The following CHRNA7 variants were observed in gnomAD, a reference collection of about 807,000 sequenced individuals.
CHRNA7 encodes cholinergic receptor nicotinic alpha 7 subunit.
In CHRNA7, 17 loss-of-function variants were observed where a neutral mutation model predicts 48.0. The observed-to-expected ratio is 0.35, with a 90% CI of 0.24 to 0.53. The LOEUF is 0.53. Among genes scored for constraint, CHRNA7 ranks in the 20% least tolerant of loss-of-function variants. The pLI is 0.92. For synonymous variants in CHRNA7, 75 were observed against 242.3 expected (o/e 0.31, Z 6.41); for missense variants, 155 against 577.7 (o/e 0.27, Z 7.50).
rs1353054194 is a variant in CHRNA7 at position 32,061,093 on chromosome 15, G to A, written c.195+30056G>A. On this transcript the variant is annotated intron_variant, in intron 2 of 9. Coordinates refer to ENST00000306901, the MANE Select transcript of CHRNA7 (RefSeq NM_000746.6). ...AGTCCTTGTGGCAAGCCCATTGGATGTACTGTCATTCTCCCGATGTTGTTG... is the reference window on the plus strand; with the variant it reads ...AGTCCTTGTGGCAAGCCCATTGGATATACTGTCATTCTCCCGATGTTGTTG... 3.9e-5 allele frequency among the ~76,000 whole-genome samples: 6 copies of A among 152,322 alleles called. No individual in the cohort carries two copies. In the East Asian group the frequency reaches 9.6e-4, roughly 24 times the overall value.
Position 32,068,148 on chromosome 15 carries a change from C to T in CHRNA7, c.196-33155C>T, listed in dbSNP as rs115482121. Among the ~76,000 whole-genome samples the T allele has an allele frequency of 1.7e-3, 257 of 151,370 alleles. 2 individuals are homozygous for T. Among genetic ancestry groups the T allele is most frequent in the African/African-American group, 6.0e-3 (248 of 41,292 alleles). On this transcript the variant is annotated intron_variant, in intron 2 of 9. Transcript: ENST00000306901. ...GTTACAGAGTGAGGCCCTATCTCTA[C>T]AAAAAAAAGAAAAATTAGGTAGGCA...
At chr15:32,130,545 T>TA in intron 4 of CHRNA7, among the ~76,000 whole-genome samples, 1 of 149,958 alleles carries the variant, frequency 6.7e-6, no homozygotes, top group South Asian at 2.1e-4. Flanking sequence ...TATATATATA[T>TA]TATATATATA....
intron 4 of CHRNA7, among the ~76,000 whole-genome samples, chr15:32,125,477 A>G (rs1170542255): frequency 6.6e-6 from 1 of 152,196 alleles, no homozygotes; most frequent in Non-Finnish European, 1.5e-5. Context: ...TCCCAGAGTC[A>G]AGGACTTAGA....
intron 4 of CHRNA7, among the ~76,000 whole-genome samples, chr15:32,123,463 G>A (rs763933555): frequency 1.3e-5 from 2 of 152,166 alleles, no homozygotes; most frequent in Non-Finnish European, 2.9e-5. Context: ...TAAGTATGAG[G>A]TCTCTCATGG....
chr15:32,143,388 G>C (rs931304756), intron 4 of CHRNA7, among the ~76,000 whole-genome samples: 2 of 152,216 alleles, frequency 1.3e-5, no homozygotes, highest in African/African-American at 4.8e-5. Context: ...TGAGAAGAAT[G>C]CATATCCTGT....
intron 2 of CHRNA7, among the ~76,000 whole-genome samples, chr15:32,070,554 C>T (rs1454347572): frequency 6.6e-6 from 1 of 151,806 alleles, no homozygotes; most frequent in East Asian, 1.9e-4. Flanking sequence ...AAGCCCAGGA[C>T]CCTGAAGATT....
At chr15:32,136,236 GT>G (rs1198046891) in intron 4 of CHRNA7, among the ~76,000 whole-genome samples, 1 of 152,094 alleles carries the variant, frequency 6.6e-6, no homozygotes, top group African/African-American at 2.4e-5. Flanking sequence ...CATGCCTGTA[GT>G]CCCAGCACTT....
intron 4 of CHRNA7, among the ~76,000 whole-genome samples, chr15:32,135,738 GAT>G (rs1201669633): frequency 6.6e-6 from 1 of 152,158 alleles, no homozygotes; most frequent in Non-Finnish European, 1.5e-5. Context: ...TCTGAGGAAA[GAT>G]ATGTGATAGG....
intron 4 of CHRNA7, among the ~76,000 whole-genome samples, chr15:32,113,225 G>A (rs2050792895): frequency 6.6e-6 from 1 of 152,190 alleles, no homozygotes; most frequent in Non-Finnish European, 1.5e-5. Context: ...GTAGATGGCT[G>A]CCATCTCACT....
chr15:32,112,672 C>A (rs1232243430), intron 4 of CHRNA7, among the ~76,000 whole-genome samples: 1 of 152,200 alleles, frequency 6.6e-6, no homozygotes, highest in Admixed American at 6.5e-5. Flanking sequence ...ATGACCGCTA[C>A]CTTTGGTCAT....
chr15:32,055,399 A>G lies in CHRNA7; in HGVS notation c.195+24362A>G, dbSNP rs190893919. On this transcript the variant is annotated intron_variant, in intron 2 of 9. Coordinates refer to ENST00000306901, the MANE Select transcript of CHRNA7 (RefSeq NM_000746.6). ...AAATTTATTTCTCATAGTTCTGGGG[A>G]TGGTAAAGTCTGATATCAAGGTGCC... Among the ~76,000 whole-genome samples the G allele has an allele frequency of 7.2e-5, 11 of 152,180 alleles. No homozygotes were observed. The East Asian group carries it at 1.2e-3, about 16-fold the overall frequency.
chr15:32,052,026 T>G (rs796137194), intron 2 of CHRNA7, among the ~76,000 whole-genome samples: 1 of 152,266 alleles, frequency 6.6e-6, no homozygotes, highest in African/African-American at 2.4e-5. Flanking sequence ...TCTCTTAAGT[T>G]TGTCAAGGTT....
intron 4 of CHRNA7, among the ~76,000 whole-genome samples, chr15:32,145,655 T>C (rs2051472216): frequency 6.6e-6 from 1 of 152,180 alleles, no homozygotes; most frequent in Non-Finnish European, 1.5e-5. Context: ...CACCAGGCTG[T>C]AGCCTCACAG....
intron 4 of CHRNA7, among the ~76,000 whole-genome samples, chr15:32,130,180 A>G (rs1012049972): frequency 2.0e-5 from 3 of 152,016 alleles, no homozygotes; most frequent in Non-Finnish European, 2.9e-5. Context: ...CCTAAATGCC[A>G]ATTAAGTCCT....
intron 2 of CHRNA7, among the ~76,000 whole-genome samples, chr15:32,098,047 G>T (rs1306853109): frequency 1.3e-5 from 2 of 152,230 alleles, no homozygotes; most frequent in Non-Finnish European, 2.9e-5. Context: ...GGGCCAGAGG[G>T]CCATGTGGGA....
intron 4 of CHRNA7, among the ~76,000 whole-genome samples, chr15:32,145,090 G>A (rs1232743519): frequency 1.3e-5 from 2 of 151,960 alleles, no homozygotes; most frequent in South Asian, 4.2e-4. Context: ...ACCTACAGAT[G>A]GGGTTTTGGT....
intron 2 of CHRNA7, among the ~76,000 whole-genome samples, chr15:32,055,547 A>T (rs1408250577): frequency 1.3e-5 from 2 of 151,946 alleles, no homozygotes. Context: ...TAATGAACCC[A>T]CTCCCAAGGT....
intron 3 of CHRNA7, chr15:32,102,509 C>T (rs1382219576): frequency 2.0e-5 from 3 of 152,128 alleles, no homozygotes; most frequent in African/African-American, 7.2e-5. Flanking sequence ...AGAATTATTC[C>T]TTTACACCGT....
Position 32,101,303 on chromosome 15 carries a change from G to A in CHRNA7, c.196G>A (p.Asp66Asn). The change falls in exon 3 of 10, where the codon GAT becomes AAT. Residue 66 changes from aspartate to asparagine, a missense_variant and splice_region_variant. Coordinates refer to ENST00000306901, the MANE Select transcript of CHRNA7 (RefSeq NM_000746.6). ...SLSLLQIMDV[D>N]EKNQVLTTNI... ...TGCTGCTTTTTTTTTTTTTTTGAAG[G>A]ATGAGAAGAACCAAGTTTTAACCAC... The A allele has an allele frequency of 6.5e-7, 1 of 1,533,244 alleles. No individual in the cohort carries two copies. Among genetic ancestry groups the A allele is most frequent in the Non-Finnish European group, 8.8e-7 (1 of 1,134,424 alleles). 95.0% of individuals were successfully genotyped at this position (1,533,244 alleles called of 1,614,324 possible).
Sources: gnomAD v4.1 joint callset for allele counts (sites outside exome capture counted in the v4.1 genomes callset) on GRCh38, gnomAD v4.1.1 for gene constraint, MANE v1.5 for transcripts, NCBI Gene and HGNC (gene_info 2026-07-23, HGNC 2026-07-21) for gene names.